The following SPOCK3 variants were observed in gnomAD, a reference collection of about 807,000 sequenced individuals.
SPOCK3 encodes testican-3.
In SPOCK3, 30 loss-of-function variants were observed where a neutral mutation model predicts 56.6. That is an observed-to-expected ratio of 0.53 (90% confidence interval 0.40 to 0.72). The LOEUF is 0.72. Among genes scored for constraint, SPOCK3 ranks in the 30% least tolerant of loss-of-function variants. The pLI, the probability that SPOCK3 is intolerant of heterozygous loss-of-function variation, is 0.00. For missense variants in SPOCK3, 527 were observed against 530.0 expected (o/e 0.99, Z 0.06); for synonymous variants, 196 against 183.3 (o/e 1.07, Z -0.56).
chr4:167,088,916 A>G (rs1319727787), intron 2 of SPOCK3, among the ~76,000 whole-genome samples: 1 of 152,156 alleles, frequency 6.6e-6, no homozygotes, highest in Non-Finnish European at 1.5e-5. Flanking sequence ...TCATTCACAT[A>G]TGTTCCCATA....
chr4:166,753,498 C>A (rs1224139178), intron 8 of SPOCK3, among the ~76,000 whole-genome samples: 3 of 151,980 alleles, frequency 2.0e-5, no homozygotes, highest in Non-Finnish European at 2.9e-5. Flanking sequence ...ACTAAAGCTT[C>A]TGTTGACTCA....
At chr4:166,923,088 GT>G (rs1738680047) in intron 4 of SPOCK3, among the ~76,000 whole-genome samples, 1 of 152,212 alleles carries the variant, frequency 6.6e-6, no homozygotes, top group African/African-American at 2.4e-5. Context: ...CACTCTCCCA[GT>G]GGGGGGTTTC....
chr4:166,869,269 A>C (rs1235177669), intron 6 of SPOCK3, among the ~76,000 whole-genome samples: 2 of 150,052 alleles, frequency 1.3e-5, no homozygotes, highest in African/African-American at 4.9e-5. Context: ...AGAGTTAAAC[A>C]CATGCCAAAT....
At chr4:166,877,054 G>C (rs1326588606) in intron 6 of SPOCK3, among the ~76,000 whole-genome samples, 1 of 151,998 alleles carries the variant, frequency 6.6e-6, no homozygotes, top group Non-Finnish European at 1.5e-5. Flanking sequence ...AGTTACAATA[G>C]AAACAACCAA....
intron 2 of SPOCK3, among the ~76,000 whole-genome samples, chr4:167,160,491 C>A (rs1765200655): frequency 6.6e-6 from 1 of 151,994 alleles, no homozygotes; most frequent in South Asian, 2.1e-4. Context: ...GATTCAATGC[C>A]ATCCCCATCA....
chr4:167,057,879 A>C (rs10016326), intron 3 of SPOCK3, among the ~76,000 whole-genome samples: 2 of 152,116 alleles, frequency 1.3e-5, no homozygotes, highest in Non-Finnish European at 2.9e-5. Flanking sequence ...ACAGATCAAC[A>C]AGACAGAAAG....
intron 2 of SPOCK3, among the ~76,000 whole-genome samples, chr4:167,127,087 T>C (rs1019231965): frequency 6.6e-6 from 1 of 152,202 alleles, no homozygotes; most frequent in Non-Finnish European, 1.5e-5. Flanking sequence ...ATTGATTGAC[T>C]GATTGATTGA....
At chr4:166,817,366 T>C (rs1324244847) in intron 6 of SPOCK3, among the ~76,000 whole-genome samples, 3 of 152,110 alleles carry the variant, frequency 2.0e-5, no homozygotes, top group Non-Finnish European at 4.4e-5. Flanking sequence ...TTTCATCTTC[T>C]TCTAAGGCTG....
At position 167,053,748 on chromosome 4, in the gene SPOCK3, C is replaced by G. The variant is rs537294632; in HGVS notation, c.235+8744G>C. ...GAGAATTAACTGCAATCTAATGAAC[C>G]AGTAGATGTTAGGCTGCCCTTCCTG... On this transcript the variant is annotated intron_variant, in intron 3 of 10. Coordinates refer to ENST00000357545, the MANE Select transcript of SPOCK3 (RefSeq NM_001040159.2). Among the ~76,000 whole-genome samples the G allele has an allele frequency of 6.7e-4, 101 of 151,654 alleles. 1 individual carries two copies. The highest frequency in any genetic ancestry group is 2.4e-3 in the African/African-American group (98 of 41,358).
chr4:166,949,485 T>C (rs948800924), intron 4 of SPOCK3, among the ~76,000 whole-genome samples: 1 of 152,138 alleles, frequency 6.6e-6, no homozygotes, highest in African/African-American at 2.4e-5. Flanking sequence ...CTACTTTTGG[T>C]CTTTGATGAT....
chr4:166,853,881 CA>C (rs879496499), intron 6 of SPOCK3, among the ~76,000 whole-genome samples: 114 of 138,080 alleles, frequency 8.3e-4, no homozygotes, highest in Admixed American at 1.1e-3. Context: ...GACTCTCTCT[CA>C]AAAAAAAAAA....
At chr4:166,797,662 T>G (rs1415328617) in intron 6 of SPOCK3, among the ~76,000 whole-genome samples, 1 of 152,094 alleles carries the variant, frequency 6.6e-6, no homozygotes, top group Non-Finnish European at 1.5e-5. Flanking sequence ...AAAACTTATT[T>G]TTTTTCTGAG....
At chr4:167,010,790 C>A (rs996096030) in intron 3 of SPOCK3, among the ~76,000 whole-genome samples, 2 of 151,584 alleles carry the variant, frequency 1.3e-5, no homozygotes, top group Non-Finnish European at 2.9e-5. Context: ...TGTTAGTAAA[C>A]ACATTAATAG....
At chr4:167,218,596 T>C (rs1735592638) in intron 2 of SPOCK3, among the ~76,000 whole-genome samples, 1 of 152,134 alleles carries the variant, frequency 6.6e-6, no homozygotes, top group South Asian at 2.1e-4. Flanking sequence ...TGGTTCATGG[T>C]ATACATTTAA....
At chr4:166,859,037 C>T (rs1730969648) in intron 6 of SPOCK3, among the ~76,000 whole-genome samples, 1 of 152,066 alleles carries the variant, frequency 6.6e-6, no homozygotes. Flanking sequence ...AATGCTTTAC[C>T]TTTTTTATCT....
At chr4:166,821,591 C>T (rs1425453514) in intron 6 of SPOCK3, among the ~76,000 whole-genome samples, 3 of 151,972 alleles carry the variant, frequency 2.0e-5, no homozygotes, top group South Asian at 4.1e-4. Context: ...CAATGAAATA[C>T]TATGCAGCAA....
intron 5 of SPOCK3, among the ~76,000 whole-genome samples, chr4:166,897,684 G>A (rs1298054679): frequency 6.6e-6 from 1 of 152,128 alleles, no homozygotes; most frequent in East Asian, 1.9e-4. Context: ...CCAAGAAATT[G>A]CAGCATCTTG....
At chr4:167,116,689 AC>A (rs1761412455) in intron 2 of SPOCK3, among the ~76,000 whole-genome samples, 1 of 135,962 alleles carries the variant, frequency 7.4e-6, no homozygotes, top group Non-Finnish European at 1.5e-5. Context: ...ATATATACAC[AC>A]ATATAGTATA....
At chr4:167,049,297 G>C (rs1188191563) in intron 3 of SPOCK3, among the ~76,000 whole-genome samples, 1 of 152,088 alleles carries the variant, frequency 6.6e-6, no homozygotes, top group African/African-American at 2.4e-5. Flanking sequence ...TGTAAGTAAA[G>C]TGGGTACAAT....
Sources: gnomAD v4.1 joint callset for allele counts (sites outside exome capture counted in the v4.1 genomes callset) on GRCh38, gnomAD v4.1.1 for gene constraint, MANE v1.5 for transcripts, NCBI Gene and HGNC (gene_info 2026-07-23, HGNC 2026-07-21) for gene names.